MED13L: variants seen among roughly 807,000 people sequenced by gnomAD.
MED13L encodes mediator of RNA polymerase II transcription subunit 13-like.
In MED13L, 7 loss-of-function variants were observed where a neutral mutation model predicts 220.9. The observed-to-expected ratio is 0.03, with a 90% CI of 0.02 to 0.06. The LOEUF is 0.06. Ranked by LOEUF, MED13L falls within the 10% of genes least tolerant of loss-of-function variation. The pLI, the probability that MED13L is intolerant of heterozygous loss-of-function variation, is 1.00. For missense variants in MED13L, 1,965 were observed against 2,760.5 expected (o/e 0.71, Z 6.46); for synonymous variants, 1,011 against 1,015.2 (o/e 1.00, Z 0.08).
At chr12:116,119,831 AAAAAAAAAT>A (rs1236858187) in intron 2 of MED13L, among the ~76,000 whole-genome samples, 23 of 117,210 alleles carry the variant, frequency 2.0e-4, no homozygotes, top group Middle Eastern at 4.2e-3. Context: ...AAAAAAAAAA[AAAAAAAAAT>A]ATATATATAT....
intron 2 of MED13L, among the ~76,000 whole-genome samples, chr12:116,203,077 A>G (rs1882101951): frequency 6.6e-6 from 1 of 152,180 alleles, no homozygotes; most frequent in Non-Finnish European, 1.5e-5. Context: ...TCATCTACAA[A>G]AACAGCGGGA....
In MED13L at chr12:116,012,863, G is replaced by C; in HGVS notation, c.1214C>G (p.Pro405Arg). The C allele has an allele frequency of 1.9e-6, 3 of 1,613,964 alleles. No homozygotes were observed. Among genetic ancestry groups the C allele is most frequent in the Non-Finnish European group, 2.5e-6 (3 of 1,179,898 alleles). The change falls in exon 9 of 31, where the codon CCT becomes CGT. Residue 405 changes from proline to arginine, a missense_variant. By Grantham distance (103) the Pro-to-Arg change is moderately radical. Coordinates refer to ENST00000281928, the MANE Select transcript of MED13L (RefSeq NM_015335.5). ...ATCCCAAGTAGCAGGATTGCTAGCA[G>C]GCTCTTCTTCAAGAGTTGGAGTTGA... is the stretch of plus-strand genomic sequence containing the variant. ...QMSTPTLEEE[P>R]ASNPATWDFV...
intron 20 of MED13L, 149 bp downstream of exon 20, chr12:115,984,031 A>G (rs1877517255): frequency 2.1e-6 from 2 of 949,040 alleles, no homozygotes; most frequent in Non-Finnish European, 3.3e-6. Flanking sequence ...AATTAGCATT[A>G]AACTGCCCAG....
At chr12:116,178,458 T>C (rs975581705) in intron 2 of MED13L, among the ~76,000 whole-genome samples, 1 of 152,212 alleles carries the variant, frequency 6.6e-6, no homozygotes, top group East Asian at 1.9e-4. Context: ...AAAGTCAATT[T>C]TGGAGCTTAG....
At chr12:116,102,710 CTTTTTTTTTTTTTTTTTTTT>C (rs869201518) in intron 3 of MED13L, among the ~76,000 whole-genome samples, 2 of 68,676 alleles carry the variant, frequency 2.9e-5, no homozygotes, top group Non-Finnish European at 5.4e-5. Context: ...TTTCTTTTTT[CTTTTTTTTTTTTTTTTTTTT>C]TTTTTTTTTG....
chr12:116,067,137 GA>G (rs1428645909), intron 4 of MED13L, among the ~76,000 whole-genome samples: 1 of 151,964 alleles, frequency 6.6e-6, no homozygotes, highest in Non-Finnish European at 1.5e-5. Context: ...ATAAGATAGA[GA>G]ATTATAAACA....
intron 2 of MED13L, among the ~76,000 whole-genome samples, chr12:116,140,768 A>G (rs1462549621): frequency 6.6e-6 from 1 of 152,216 alleles, no homozygotes; most frequent in Non-Finnish European, 1.5e-5. Context: ...TTATCGCATT[A>G]CTAACATCAG....
chr12:116,259,728 G>GA (rs891494578), intron 1 of MED13L, among the ~76,000 whole-genome samples: 6 of 150,928 alleles, frequency 4.0e-5, no homozygotes, highest in African/African-American at 1.2e-4. Flanking sequence ...GCAAAAGCAA[G>GA]AAAAAAAAAT....
At chr12:116,075,893 G>A (rs1187725190) in intron 4 of MED13L, among the ~76,000 whole-genome samples, 2 of 151,476 alleles carry the variant, frequency 1.3e-5, no homozygotes, top group Non-Finnish European at 2.9e-5. Context: ...ATTAACAGGA[G>A]CCATTGGAGC....
In MED13L at chr12:116,272,422, G is replaced by A. The variant is rs543168077; in HGVS notation, c.72+4638C>T. Among the ~76,000 whole-genome samples the A allele has an allele frequency of 3.3e-5, 5 of 152,180 alleles. No individual in the cohort carries two copies. The South Asian group carries it at 1.0e-3, about 31-fold the overall frequency. On this transcript the variant is annotated intron_variant, in intron 1 of 30. Coordinates refer to ENST00000281928, the MANE Select transcript of MED13L (RefSeq NM_015335.5). ...TTAAAAACACAAATAAATTAGACAG[G>A]CATGGTGGCAGGCGCCTGTAATCCC... is the stretch of plus-strand genomic sequence containing the variant.
chr12:116,275,609 CTAAT>C (rs1873752812), intron 1 of MED13L, among the ~76,000 whole-genome samples: 1 of 152,122 alleles, frequency 6.6e-6, no homozygotes, highest in Non-Finnish European at 1.5e-5. Context: ...TTAAATGTAA[CTAAT>C]TACAATTTGA....
chr12:116,263,454 G>A (rs1326328583), intron 1 of MED13L, among the ~76,000 whole-genome samples: 2 of 152,110 alleles, frequency 1.3e-5, no homozygotes, highest in East Asian at 1.9e-4. Context: ...GTAAAGGGTC[G>A]TCTGCACCTC....
intron 1 of MED13L, among the ~76,000 whole-genome samples, chr12:116,261,013 C>A (rs1160525960): frequency 6.6e-6 from 1 of 152,078 alleles, no homozygotes; most frequent in Admixed American, 6.6e-5. Flanking sequence ...CTTTTCCATG[C>A]CCATTTCTTA....
intron 1 of MED13L, among the ~76,000 whole-genome samples, chr12:116,249,669 C>T: frequency 7.8e-6 from 1 of 128,174 alleles, no homozygotes; most frequent in Admixed American, 9.0e-5. Context: ...ATTTCCACAG[C>T]TCAAATATGC....
chr12:116,185,721 G>C (rs552998525), intron 2 of MED13L, among the ~76,000 whole-genome samples: 1 of 146,782 alleles, frequency 6.8e-6, no homozygotes, highest in African/African-American at 2.6e-5. Context: ...TTCGAGATAA[G>C]AGTCTCGCTC....
chr12:116,067,263 C>A (rs1870019850), intron 4 of MED13L, among the ~76,000 whole-genome samples: 1 of 151,900 alleles, frequency 6.6e-6, no homozygotes. Context: ...GTATTTCATT[C>A]AATCTAAGAA....
In MED13L at chr12:115,960,916, G is replaced by A. The variant is rs1875715140; in HGVS notation, c.*350C>T. On this transcript the variant is annotated 3_prime_UTR_variant, in exon 31 of 31. Transcript: ENST00000281928. ...CTGCCCTCAATTGTATACAGAGGCTGAAAACACAGACTCTTGTGCAAAAGG... is the reference window on the plus strand; with the variant it reads ...CTGCCCTCAATTGTATACAGAGGCTAAAAACACAGACTCTTGTGCAAAAGG... 2 of 359,930 alleles carry A rather than the reference G, an allele frequency of 5.6e-6. No homozygotes were observed. The highest frequency in any genetic ancestry group is 1.1e-5 in the Non-Finnish European group (2 of 184,336). The allele number at this position is 359,930 out of a possible 1,614,324, so 22.3% of individuals were successfully genotyped here.
In MED13L at chr12:116,137,333, C is replaced by T. The variant is rs77763020; in HGVS notation, c.311-25821G>A. Among the ~76,000 whole-genome samples, 676 of 152,236 alleles carry T rather than the reference C, an allele frequency of 4.4e-3. 3 individuals carry two copies. Among genetic ancestry groups the T allele is most frequent in the African/African-American group, 0.016 (651 of 41,546 alleles). ...ATTTGTGTTCCAATAACATAATTCA[C>T]CTCCATAATACTCTTATGAGGTAGA... is the stretch of plus-strand genomic sequence containing the variant. On this transcript the variant is annotated intron_variant, in intron 2 of 30. Coordinates refer to ENST00000281928, the MANE Select transcript of MED13L (RefSeq NM_015335.5).
intron 4 of MED13L, among the ~76,000 whole-genome samples, chr12:116,052,068 C>T (rs1350810884): frequency 4.0e-5 from 5 of 124,450 alleles, no homozygotes; most frequent in Admixed American, 8.3e-5. Flanking sequence ...TATGTACTTA[C>T]CTACACACAT....
Sources: allele counts gnomAD v4.1 joint callset (sites outside exome capture counted in the v4.1 genomes callset), GRCh38; gene constraint gnomAD v4.1.1; transcripts MANE v1.5; gene names NCBI Gene and HGNC (gene_info 2026-07-23, HGNC 2026-07-21).